PHACTR3: variants seen among roughly 807,000 people sequenced by gnomAD.
The protein encoded by PHACTR3 is protein phosphatase 1, regulatory subunit 123.
Under a neutral mutation model 66.8 loss-of-function variants are expected in PHACTR3, and 16 were observed. The ratio of observed to expected loss-of-function variants is 0.24; its 90% CI spans 0.16 to 0.36. PHACTR3 has a LOEUF of 0.36. PHACTR3 is among the 10% of genes least tolerant of loss of function. The pLI is 1.00. For missense variants in PHACTR3, 647 were observed against 719.9 expected, an observed-to-expected ratio of 0.90 and a Z score of 1.16; for synonymous variants, 323 against 292.1, an observed-to-expected ratio of 1.11 and a Z score of -1.08.
intron 1 of PHACTR3, among the ~76,000 whole-genome samples, chr20:59,730,832 A>ACAGCAGCAGAGCTGAGTGG (rs1396365541): frequency 6.6e-6 from 1 of 152,148 alleles, no homozygotes. Context: ...GCTTCACACT[A>ACAGCAGCAGAGCTGAGTGG]CAGCAGCAGA....
At chr20:59,595,565 G>T (rs923879649) in intron 1 of PHACTR3, among the ~76,000 whole-genome samples, 26 of 152,222 alleles carry the variant, frequency 1.7e-4, no homozygotes, top group African/African-American at 6.0e-4. Flanking sequence ...TACTGTTGTT[G>T]GAGGAAGTGG....
intron 9 of PHACTR3, among the ~76,000 whole-genome samples, chr20:59,839,180 T>C (rs2059015548): frequency 6.6e-6 from 1 of 152,208 alleles, no homozygotes; most frequent in Non-Finnish European, 1.5e-5. Context: ...CTGGACACTT[T>C]CACAATGTCT....
chr20:59,836,755 TA>T (rs1024590865), intron 9 of PHACTR3, among the ~76,000 whole-genome samples, 195 bp downstream of exon 9: 4 of 152,226 alleles, frequency 2.6e-5, no homozygotes, highest in African/African-American at 9.6e-5. Flanking sequence ...TTTTTTAATT[TA>T]AAAAAACTCC....
intron 3 of PHACTR3, among the ~76,000 whole-genome samples, chr20:59,750,112 C>T (rs2039522403): frequency 6.6e-6 from 1 of 152,122 alleles, no homozygotes; most frequent in Admixed American, 6.5e-5. Context: ...AACGCACATC[C>T]AGTGGGGCCA....
intron 3 of PHACTR3, among the ~76,000 whole-genome samples, chr20:59,749,795 T>C (rs1047256540): frequency 6.6e-6 from 1 of 152,222 alleles, no homozygotes; most frequent in African/African-American, 2.4e-5. Context: ...TTATATAATT[T>C]TCATGTGCCA....
intron 1 of PHACTR3, among the ~76,000 whole-genome samples, chr20:59,706,617 A>G (rs1215338562): frequency 6.6e-6 from 1 of 152,204 alleles, no homozygotes; most frequent in East Asian, 1.9e-4. Flanking sequence ...GCTTGTTCCT[A>G]TAAAGAGAGC....
At chr20:59,700,747 T>C (rs1244135551) in intron 1 of PHACTR3, among the ~76,000 whole-genome samples, 3 of 152,196 alleles carry the variant, frequency 2.0e-5, no homozygotes, top group Admixed American at 2.0e-4. Flanking sequence ...AGTTCACGTT[T>C]CCATGCTCTG....
chr20:59,682,023 AGAAAG>A (rs766141936), intron 1 of PHACTR3, among the ~76,000 whole-genome samples: 2 of 150,320 alleles, frequency 1.3e-5, no homozygotes, highest in Non-Finnish European at 1.5e-5. Context: ...AAAAAAAAAA[AGAAAG>A]AAAGAAAGAA....
intron 1 of PHACTR3, among the ~76,000 whole-genome samples, chr20:59,720,449 C>T (rs1470692094): frequency 2.0e-5 from 3 of 152,156 alleles, no homozygotes; most frequent in Non-Finnish European, 4.4e-5. Context: ...GGGGGTAGTC[C>T]AGTAATTTTA....
chr20:59,677,444 A>G (rs1447651837), intron 1 of PHACTR3, among the ~76,000 whole-genome samples: 1 of 152,176 alleles, frequency 6.6e-6, no homozygotes, highest in African/African-American at 2.4e-5. Context: ...AATGGTTTGC[A>G]AGTGAAGTTG....
intron 1 of PHACTR3, among the ~76,000 whole-genome samples, chr20:59,665,723 G>A (rs1278247142): frequency 1.3e-5 from 2 of 152,126 alleles, no homozygotes; most frequent in African/African-American, 4.8e-5. Context: ...GGGAGAGCCT[G>A]TGTGGACTGG....
intron 1 of PHACTR3, among the ~76,000 whole-genome samples, chr20:59,594,995 T>C (rs1021994125): frequency 2.0e-5 from 3 of 152,228 alleles, no homozygotes; most frequent in Non-Finnish European, 2.9e-5. Flanking sequence ...GTTTTATTTT[T>C]GTTTAGTCCA....
At chr20:59,769,418 T>C (rs2040291359) in intron 5 of PHACTR3, among the ~76,000 whole-genome samples, 1 of 152,208 alleles carries the variant, frequency 6.6e-6, no homozygotes, top group South Asian at 2.1e-4. Flanking sequence ...GGGATGGGAC[T>C]GATGCATCCA....
intron 8 of PHACTR3, among the ~76,000 whole-genome samples, chr20:59,812,954 G>A (rs2041780858): frequency 6.6e-6 from 1 of 152,188 alleles, no homozygotes; most frequent in Non-Finnish European, 1.5e-5. Context: ...GTGGGCTCCA[G>A]GGCCCTCGCT....
At chr20:59,585,881 T>C (rs1326352065) in intron 1 of PHACTR3, among the ~76,000 whole-genome samples, 2 of 152,224 alleles carry the variant, frequency 1.3e-5, no homozygotes, top group Non-Finnish European at 1.5e-5. Context: ...ATTATCTCTG[T>C]CAAGTTACAG....
At chr20:59,661,389 G>A (rs558675399) in intron 1 of PHACTR3, among the ~76,000 whole-genome samples, 1 of 152,222 alleles carries the variant, frequency 6.6e-6, no homozygotes, top group South Asian at 2.1e-4. Flanking sequence ...GTTGCTAATG[G>A]AGAGAGCACG....
intron 1 of PHACTR3, among the ~76,000 whole-genome samples, chr20:59,629,167 G>A (rs2034572555): frequency 6.6e-6 from 1 of 152,248 alleles, no homozygotes; most frequent in African/African-American, 2.4e-5. Flanking sequence ...AGTGGCATGG[G>A]CGACGTGTGT....
intron 8 of PHACTR3, among the ~76,000 whole-genome samples, chr20:59,835,097 C>T (rs1471730622): frequency 6.6e-6 from 1 of 152,214 alleles, no homozygotes; most frequent in Admixed American, 6.5e-5. Flanking sequence ...CCATACTCAG[C>T]ACTCTGTTCT....
intron 11 of PHACTR3, among the ~76,000 whole-genome samples, chr20:59,842,824 C>T (rs1047019936): frequency 6.6e-6 from 1 of 152,088 alleles, no homozygotes; most frequent in Non-Finnish European, 1.5e-5. Flanking sequence ...GGGTTGTCTT[C>T]CCACTACAGT....
Sources: allele counts gnomAD v4.1 joint callset (sites outside exome capture counted in the v4.1 genomes callset), GRCh38; gene constraint gnomAD v4.1.1; transcripts MANE v1.5; gene names NCBI Gene and HGNC (gene_info 2026-07-23, HGNC 2026-07-21).